Variants in FNBP1 observed in about 807,000 individuals in gnomAD.
The protein encoded by FNBP1 is formin binding protein 1.
In FNBP1, 26 loss-of-function variants were observed where a neutral mutation model predicts 90.6. The observed-to-expected ratio is 0.29, with a 90% confidence interval of 0.21 to 0.40. The LOEUF is 0.40. Among genes scored for constraint, FNBP1 ranks in the 10% least tolerant of loss-of-function variants. FNBP1 has a pLI of 1.00. For missense variants in FNBP1, 635 were observed against 768.0 expected (o/e 0.83, Z 2.05); for synonymous variants, 260 against 265.2 (o/e 0.98, Z 0.19).
intron 15 of FNBP1, 58 bp from the exon 16 acceptor site, chr9:129,896,054 A>G: frequency 6.6e-7 from 1 of 1,512,550 alleles, no homozygotes; most frequent in South Asian, 1.3e-5. Flanking sequence ...GAGGAAGCAA[A>G]CAGTGGCCTT....
Position 129,994,863 on chromosome 9 carries a change from G to T in FNBP1, c.120C>A (p.Leu40=). The T allele has an allele frequency of 1.3e-6, 2 of 1,587,154 alleles. No individual in the cohort carries two copies. The highest frequency in any genetic ancestry group is 1.7e-6 in the Non-Finnish European group (2 of 1,158,120). The change falls in exon 2 of 17, where the codon CTC becomes CTA. Residue 40 remains leucine, a synonymous_variant. Coordinates refer to ENST00000446176, the MANE Select transcript of FNBP1 (RefSeq NM_015033.3). ...KFVKERTEIE[L]SYAKQLRNLS... is the part of the protein sequence containing the mutation. ...CTTACCTGAGTTGCTTTGCATAGCT[G>T]AGTTCAATCTCTGTCCTTTCTTTCA...
intron 11 of FNBP1, chr9:129,910,081 G>C (rs1481757408): frequency 1.3e-5 from 6 of 455,554 alleles, no homozygotes; most frequent in Admixed American, 7.1e-5. Flanking sequence ...GCTTTAAGGA[G>C]AAAGTATCAA....
intron 1 of FNBP1, among the ~76,000 whole-genome samples, chr9:130,028,815 A>C (rs1270614621): frequency 6.6e-6 from 1 of 152,166 alleles, no homozygotes; most frequent in Non-Finnish European, 1.5e-5. Flanking sequence ...TTACCAACTT[A>C]ATTCTAGCTT....
intron 4 of FNBP1, among the ~76,000 whole-genome samples, chr9:129,974,335 TC>T (rs1158414589): frequency 6.6e-6 from 1 of 152,108 alleles, no homozygotes; most frequent in African/African-American, 2.4e-5. Context: ...AGGGTCCATA[TC>T]TTGGGTAAAA....
At chr9:130,053,828 G>T in the FNBP1 span, 2 of 1,112,348 alleles carry the variant, frequency 1.8e-6, no homozygotes, top group Non-Finnish European at 2.6e-6. Context: ...CACAGGGTCA[G>T]CGGAGCTAGC....
intron 1 of FNBP1, chr9:130,013,879 T>A (rs2056922056): frequency 2.4e-6 from 1 of 424,890 alleles, no homozygotes; most frequent in East Asian, 7.0e-5. Context: ...TTGCCCTAAG[T>A]GGCAAAAGGC....
chr9:130,040,884 C>G (rs2059761921), intron 1 of FNBP1, among the ~76,000 whole-genome samples: 1 of 152,080 alleles, frequency 6.6e-6, no homozygotes, highest in African/African-American at 2.4e-5. Context: ...CTCTGTCTCA[C>G]TATCTCCCAT....
At chr9:129,993,770 G>A (rs1455254272) in intron 2 of FNBP1, among the ~76,000 whole-genome samples, 1 of 151,776 alleles carries the variant, frequency 6.6e-6, no homozygotes, top group Non-Finnish European at 1.5e-5. Context: ...GATTACAGGC[G>A]CCTGCCACCA....
rs571486570 is a variant in FNBP1 at position 129,929,654 on chromosome 9, G to A, written c.555C>T (p.Asp185=). Residue 185 remains aspartate, a synonymous_variant, in exon 7 of 17, where the codon GAC becomes GAT. Coordinates refer to ENST00000446176, the MANE Select transcript of FNBP1 (RefSeq NM_015033.3). The stretch of plus-strand genomic sequence containing the variant: ...GAATGGATGAGTAATCTGCTTTGCT[G>A]TCCTCTGCCATTTGGTGACGTATTT... ...QAQIRHQMAE[D]SKADYSSILQ... 1 of 1,613,870 alleles carries A rather than the reference G, an allele frequency of 6.2e-7. No homozygotes were observed. Among genetic ancestry groups the A allele is most frequent in the South Asian group, 1.1e-5 (1 of 91,088 alleles).
chr9:129,991,716 GT>G (rs1191999746), intron 2 of FNBP1, among the ~76,000 whole-genome samples: 4 of 150,868 alleles, frequency 2.7e-5, no homozygotes, highest in African/African-American at 9.8e-5. Flanking sequence ...CTGGAGTGCA[GT>G]GGTGTGATCT....
intron 2 of FNBP1, among the ~76,000 whole-genome samples, chr9:129,985,908 C>T (rs1256346232): frequency 6.9e-6 from 1 of 144,834 alleles, no homozygotes; most frequent in Non-Finnish European, 1.5e-5. Context: ...TTGCAGTGAG[C>T]CAAGATCATG....
intron 1 of FNBP1, among the ~76,000 whole-genome samples, chr9:130,038,602 G>T (rs952310117): frequency 1.3e-5 from 2 of 151,850 alleles, no homozygotes; most frequent in African/African-American, 4.8e-5. Flanking sequence ...TCACCATCTT[G>T]GTCCGGCTGG....
intron 1 of FNBP1, among the ~76,000 whole-genome samples, chr9:130,023,562 G>A (rs899805703): frequency 2.0e-5 from 3 of 152,164 alleles, no homozygotes; most frequent in African/African-American, 4.8e-5. Flanking sequence ...CAGCCTGGCC[G>A]GAGGAGACTG....
chr9:129,938,504 AG>A (rs1487751126), intron 6 of FNBP1, among the ~76,000 whole-genome samples: 2 of 151,932 alleles, frequency 1.3e-5, no homozygotes, highest in Admixed American at 1.3e-4. Context: ...AGTTAACCAA[AG>A]AAATATGCTT....
chr9:129,930,454 G>A (rs2042569146), intron 6 of FNBP1, among the ~76,000 whole-genome samples: 1 of 152,132 alleles, frequency 6.6e-6, no homozygotes, highest in Non-Finnish European at 1.5e-5. Flanking sequence ...CTTTTCTAAA[G>A]CTCTCTAGCA....
intron 6 of FNBP1, among the ~76,000 whole-genome samples, chr9:129,940,029 C>T (rs1294631406): frequency 6.6e-6 from 1 of 151,678 alleles, no homozygotes. Context: ...AGTGAGACTC[C>T]ATTTCTAAAA....
intron 2 of FNBP1, among the ~76,000 whole-genome samples, chr9:129,994,479 G>A (rs1705150459): frequency 6.6e-6 from 1 of 152,152 alleles, no homozygotes; most frequent in Non-Finnish European, 1.5e-5. Flanking sequence ...CTGGGTGCCC[G>A]GTTACATGAG....
chr9:129,914,755 G>GTGTATATATATATA lies in FNBP1; in HGVS notation c.1185+1210_1185+1211insTATATATATATACA, dbSNP rs71499203. On this transcript the variant is annotated intron_variant, in intron 11 of 16. Transcript: ENST00000446176. ...AAAAATTATGTATATACATACATAT[G>GTGTATATATATATA]TCTATATATATATATATATATATAT... is the stretch of plus-strand genomic sequence containing the variant. Among the ~76,000 whole-genome samples, 281 of 98,406 alleles carry GTGTATATATATATA rather than the reference G, an allele frequency of 2.9e-3. 32 individuals carry two copies. Among genetic ancestry groups the GTGTATATATATATA allele is most frequent in the East Asian group, 4.6e-3 (12 of 2,590 alleles). The allele number at this position is 98,406 out of a possible 152,430, so 64.6% of individuals were successfully genotyped here.
rs373138569 is a variant in FNBP1, at chr9:130,031,638, T to C, written c.24+11314A>G. 1.1e-4 allele frequency among the ~76,000 whole-genome samples: 16 copies of C among 152,196 alleles called. No homozygotes were observed. In the South Asian group the frequency reaches 3.1e-3, roughly 30 times the overall value. The stretch of plus-strand genomic sequence containing the variant: ...CCATGGAGTTACCCTACCTTAGTCC[T>C]TATTACACAATAATTTCTTTCTTTC... On this transcript the variant is annotated intron_variant, in intron 1 of 16. Transcript: ENST00000446176. The surrounding 1 kb of genome is among the most constrained non-coding windows in gnomAD (Gnocchi z 4.2).
Sources: allele counts gnomAD v4.1 joint callset (sites outside exome capture counted in the v4.1 genomes callset), GRCh38; gene constraint gnomAD v4.1.1; non-coding constraint Gnocchi (gnomAD v3.1); transcripts MANE v1.5; gene names NCBI Gene and HGNC (gene_info 2026-07-23, HGNC 2026-07-21).